Variants in IKZF4 observed in about 807,000 individuals in gnomAD.
The protein encoded by IKZF4 is zinc finger protein Eos.
Under a neutral mutation model 47.7 loss-of-function variants are expected in IKZF4, and 11 were observed. That is an observed-to-expected ratio of 0.23 (90% CI 0.15 to 0.38). The LOEUF is 0.38. IKZF4 is among the 10% of genes least tolerant of loss of function. IKZF4 has a pLI of 1.00. For missense variants in IKZF4, 557 were observed against 784.9 expected (o/e 0.71, Z 3.47); for synonymous variants, 298 against 299.4 (o/e 1.00, Z 0.05).
chr12:56,015,647 C>T (rs1234690836), intron 2 of IKZF4, among the ~76,000 whole-genome samples: 2 of 152,182 alleles, frequency 1.3e-5, no homozygotes, highest in East Asian at 1.9e-4. Context: ...CCACCCACCT[C>T]GCCCTCTCAA....
upstream of IKZF4, among the ~76,000 whole-genome samples, chr12:56,019,568 C>T (rs1180018091): frequency 6.6e-6 from 1 of 152,144 alleles, no homozygotes; most frequent in East Asian, 1.9e-4. Flanking sequence ...AAAGTCATGG[C>T]CTTGTGAGGA....
upstream of IKZF4, among the ~76,000 whole-genome samples, chr12:56,017,390 T>C (rs1331258780): frequency 6.6e-6 from 1 of 151,966 alleles, no homozygotes; most frequent in Non-Finnish European, 1.5e-5. Flanking sequence ...CTTCTCCTTT[T>C]CCTGTCACCC....
chr12:56,016,434 T>C (rs1892071508), upstream of IKZF4, among the ~76,000 whole-genome samples: 1 of 149,446 alleles, frequency 6.7e-6, no homozygotes, highest in Non-Finnish European at 1.5e-5. Context: ...CTTTTTTTTT[T>C]TTTTTGTGAC....
rs542691811 is a variant in IKZF4, at chr12:56,024,860, G to A, written c.182-194G>A. On this transcript the variant is annotated intron_variant, in intron 2 of 7. Transcript: ENST00000547167. The stretch of plus-strand genomic sequence containing the variant: ...AGGGTAGGCAAGGCCCAGCCACTGA[G>A]CTCACAGAAGGCAGCACCAGGCATC... The A allele has an allele frequency of 1.2e-5, 17 of 1,466,824 alleles. No individual in the cohort carries two copies. In the African/African-American group the frequency reaches 2.4e-4, roughly 21 times the overall value. The allele number at this position is 1,466,824 out of a possible 1,614,324, so 90.9% of individuals were successfully genotyped here.
chr12:56,023,986 C>A, intron 2 of IKZF4: 9 of 817,818 alleles, frequency 1.1e-5, no homozygotes, highest in Non-Finnish European at 1.2e-5. Context: ...TTATATGTAT[C>A]TACATATGTG....
chr12:56,021,375 G>C lies in IKZF4; in HGVS notation c.-119G>C. 1 of 1,547,328 alleles carries C rather than the reference G, an allele frequency of 6.5e-7. No homozygotes were observed. The highest frequency in any genetic ancestry group is 8.7e-7 in the Non-Finnish European group (1 of 1,146,818). ...TTGCTGGCTGCAGCCGTGGGCCTCT[G>C]CTCACCGTGCCGCTGCTGCTGCCTG... On this transcript the variant is annotated 5_prime_UTR_variant, in exon 1 of 8. Transcript: ENST00000547167.
At chr12:56,025,006 GAT>G (rs1893714891) in intron 2 of IKZF4, 46 bp from the exon 3 acceptor site, 2 of 1,553,360 alleles carry the variant, frequency 1.3e-6, no homozygotes, top group African/African-American at 2.7e-5. Context: ...ATGGACAGTA[GAT>G]ATCTCCAGCT....
At chr12:56,019,109 A>G (rs1282621143), upstream of IKZF4, among the ~76,000 whole-genome samples, 1 of 152,194 alleles carries the variant, frequency 6.6e-6, no homozygotes, top group Non-Finnish European at 1.5e-5. Flanking sequence ...CCAACTTCTC[A>G]GGAGGCTGAG....
At position 56,026,773 on chromosome 12, in the gene IKZF4, C is replaced by A; in HGVS notation, c.287-8C>A. The A allele has an allele frequency of 6.5e-7, 1 of 1,546,896 alleles. No individual in the cohort carries two copies. Among genetic ancestry groups the A allele is most frequent in the South Asian group, 1.2e-5 (1 of 80,858 alleles). The stretch of plus-strand genomic sequence containing the variant: ...TCTCTCTATTCTAAACACCATCCCA[C>A]CCCTCAGCCAACTCCATCAAGGTGG... On this transcript the variant is annotated splice_polypyrimidine_tract_variant and splice_region_variant and intron_variant, in intron 3 of 7. Coordinates refer to ENST00000547167, the MANE Select transcript of IKZF4 (RefSeq NM_022465.4).
chr12:56,012,136 G>A (rs1009358948), intron 2 of IKZF4, among the ~76,000 whole-genome samples: 1 of 152,008 alleles, frequency 6.6e-6, no homozygotes, highest in African/African-American at 2.4e-5. Flanking sequence ...TTCTACTTCT[G>A]CCTGTTATAG....
intron 2 of IKZF4, chr12:56,024,600 G>A: frequency 2.0e-6 from 2 of 985,772 alleles, no homozygotes; most frequent in East Asian, 1.0e-4. Context: ...ATTATTAGCT[G>A]CTATGATGAT....
chr12:56,030,740 A>G (rs1336975652), intron 5 of IKZF4, among the ~76,000 whole-genome samples: 2 of 151,946 alleles, frequency 1.3e-5, no homozygotes, highest in Non-Finnish European at 2.9e-5. Context: ...AAAAAAAAAA[A>G]AAAAGTAGAG....
At position 56,037,315 on chromosome 12, in the gene IKZF4, G is replaced by A. The variant is rs1380611098; in HGVS notation, c.*1984G>A. ...TGTAGCAATAAATAGATGCTGCCAA[G>A]GGCAGAAAATGGGGAGGTTAGCTCA... On this transcript the variant is annotated 3_prime_UTR_variant, in exon 8 of 8. Transcript: ENST00000547167. 1 of 152,676 alleles carries A rather than the reference G, an allele frequency of 6.5e-6. No homozygotes were observed. The highest frequency in any genetic ancestry group is 1.5e-5 in the Non-Finnish European group (1 of 68,050). 9.5% of individuals were successfully genotyped at this position (152,676 alleles called of 1,614,324 possible). A position where few individuals can be genotyped will look rare whatever the true frequency, so the allele number is the denominator to read the frequency against.
chr12:56,032,583 G>T lies in IKZF4; in HGVS notation c.738G>T (p.Lys246Asn). 6.2e-7 allele frequency: 1 copy of T among 1,613,590 alleles called. No homozygotes were observed. Among genetic ancestry groups the T allele is most frequent in the Non-Finnish European group, 8.5e-7 (1 of 1,179,696 alleles). ...THSVSSPTVG[K>N]PYKCNYCGRS... Reference sequence around the variant, plus strand: ...CAGTCTCCTCTCCCACAGTGGGCAAGCCCTACAAGTGTAACTACTGTGGCC... The same window carrying T: ...CAGTCTCCTCTCCCACAGTGGGCAATCCCTACAAGTGTAACTACTGTGGCC... Residue 246 changes from lysine to asparagine, a missense_variant, in exon 6 of 8, where the codon AAG becomes AAT. By Grantham distance (94) the Lys-to-Asn change is moderately conservative. Coordinates refer to ENST00000547167, the MANE Select transcript of IKZF4 (RefSeq NM_022465.4).
At chr12:56,023,560 T>C (rs948240357) in intron 1 of IKZF4, 111 bp from the exon 2 acceptor site, 10 of 1,292,124 alleles carry the variant, frequency 7.7e-6, no homozygotes, top group Non-Finnish European at 1.0e-5. Flanking sequence ...AGTGAACATT[T>C]TTCCTCAGGC....
At chr12:56,014,605 C>T (rs955330329) in intron 2 of IKZF4, among the ~76,000 whole-genome samples, 42 of 152,102 alleles carry the variant, frequency 2.8e-4, no homozygotes, top group African/African-American at 2.4e-5. Flanking sequence ...ACAGGGATCA[C>T]ACCAAAGGAA....
At position 56,033,209 on chromosome 12, in the gene IKZF4, G is replaced by A; in HGVS notation, c.885G>A (p.Leu295=). The A allele has an allele frequency of 5.0e-6, 8 of 1,613,964 alleles. No homozygotes were observed. The highest frequency in any genetic ancestry group is 6.8e-6 in the Non-Finnish European group (8 of 1,179,868). The change falls in exon 7 of 8, where the codon CTG becomes CTA. Residue 295 remains leucine, a synonymous_variant. Coordinates refer to ENST00000547167, the MANE Select transcript of IKZF4 (RefSeq NM_022465.4). ...AGQPGDEIRD[L]EMVPDSMLHS... ...CACTAGGTGACGAAATACGTGACCT[G>A]GAGATGGTGCCAGACTCCATGCTGC...
chr12:56,028,295 A>T (rs1439071491), intron 5 of IKZF4, among the ~76,000 whole-genome samples: 3 of 151,698 alleles, frequency 2.0e-5, no homozygotes, highest in Non-Finnish European at 4.4e-5. Context: ...GGAGGCCAAG[A>T]TGGGCGGATC....
At chr12:56,012,102 A>G (rs889056328) in intron 2 of IKZF4, among the ~76,000 whole-genome samples, 3 of 152,094 alleles carry the variant, frequency 2.0e-5, no homozygotes, top group Admixed American at 2.0e-4. Context: ...GAACCCAGGT[A>G]CTAAGGGAAA....
Sources: gnomAD v4.1 joint callset for allele counts (sites outside exome capture counted in the v4.1 genomes callset) on GRCh38, gnomAD v4.1.1 for gene constraint, MANE v1.5 for transcripts, NCBI Gene and HGNC (gene_info 2026-07-23, HGNC 2026-07-21) for gene names.